CDH7: variants seen among roughly 807,000 people sequenced by gnomAD.
CDH7 encodes the protein cadherin 7, also known as cadherin-7.
Under a neutral mutation model 71.8 loss-of-function variants are expected in CDH7, and 25 were observed. The ratio of observed to expected loss-of-function variants is 0.35; its 90% CI spans 0.25 to 0.49. CDH7 has a LOEUF of 0.49. Among genes scored for constraint, CDH7 ranks in the 20% least tolerant of loss-of-function variants. CDH7 has a pLI of 0.99. For synonymous variants in CDH7, 381 were observed against 363.8 expected, an observed-to-expected ratio of 1.05 and a Z score of -0.54; for missense variants, 862 against 974.6, an observed-to-expected ratio of 0.88 and a Z score of 1.54.
chr18:65,881,172 C>G lies in CDH7; in HGVS notation c.*278C>G, dbSNP rs967966233. On this transcript the variant is annotated 3_prime_UTR_variant, in exon 12 of 12. Coordinates refer to ENST00000397968, the MANE Select transcript of CDH7 (RefSeq NM_004361.5). ...TGCTCAGTGGTTTGTGAATAGATAGCAACTCTCATATACCTGCAAAGGCAC... is the reference window on the plus strand; with the variant it reads ...TGCTCAGTGGTTTGTGAATAGATAGGAACTCTCATATACCTGCAAAGGCAC... 1 of 285,340 alleles carries G rather than the reference C, an allele frequency of 3.5e-6. No homozygotes were observed. 17.7% of individuals were successfully genotyped at this position (285,340 alleles called of 1,614,324 possible).
At chr18:65,875,838 A>G in intron 11 of CDH7, among the ~76,000 whole-genome samples, 1 of 152,032 alleles carries the variant, frequency 6.6e-6, no homozygotes, top group Non-Finnish European at 1.5e-5. Flanking sequence ...CTGAGGCAGG[A>G]ATATTGCTTG....
intron 2 of CDH7, among the ~76,000 whole-genome samples, chr18:65,804,331 G>T (rs1327132259): frequency 2.0e-5 from 3 of 152,102 alleles, no homozygotes; most frequent in Non-Finnish European, 2.9e-5. Flanking sequence ...CTAAGCTTTA[G>T]GTAGTAAAGA....
chr18:65,842,347 G>A (rs1029741221), intron 6 of CDH7, among the ~76,000 whole-genome samples: 6 of 151,764 alleles, frequency 4.0e-5, no homozygotes, highest in Non-Finnish European at 8.8e-5. Flanking sequence ...AGTCCTGTCT[G>A]GTCTAGATAT....
At chr18:65,752,100 A>G (rs1915898535) in intron 1 of CDH7, among the ~76,000 whole-genome samples, 1 of 152,260 alleles carries the variant, frequency 6.6e-6, no homozygotes. Flanking sequence ...TGCAATAAAT[A>G]TCTTGTCTCT....
intron 11 of CDH7, among the ~76,000 whole-genome samples, chr18:65,875,527 CT>C (rs1342395540): frequency 2.6e-5 from 4 of 152,146 alleles, no homozygotes; most frequent in Non-Finnish European, 5.9e-5. Context: ...TATTCCCTTC[CT>C]TTTATTTATC....
At chr18:65,860,697 A>G (rs1249128870) in intron 10 of CDH7, among the ~76,000 whole-genome samples, 2 of 152,170 alleles carry the variant, frequency 1.3e-5, no homozygotes, top group Non-Finnish European at 2.9e-5. Context: ...GGTTTTAGGA[A>G]AAAAGTACAG....
chr18:65,795,583 C>A (rs893712303), intron 2 of CDH7, among the ~76,000 whole-genome samples: 1 of 152,048 alleles, frequency 6.6e-6, no homozygotes, highest in Admixed American at 6.6e-5. Flanking sequence ...AAATGAAGAG[C>A]AAATGAACAC....
Position 65,762,175 on chromosome 18 carries a change from A to G in CDH7, c.-196-472A>G, listed in dbSNP as rs145403660. On this transcript the variant is annotated intron_variant, in intron 1 of 11. Transcript: ENST00000397968. ...CTCATACTTCTTTATTTCTCTTTAC[A>G]GTTTCACAGAAGAGATTTAAACCAG... 2.1e-3 allele frequency among the ~76,000 whole-genome samples: 322 copies of G among 152,296 alleles called. 2 individuals are homozygous for G. Among genetic ancestry groups the G allele is most frequent in the Non-Finnish European group, 3.7e-3 (250 of 68,028 alleles).
chr18:65,753,459 C>G (rs1915943592), intron 1 of CDH7, among the ~76,000 whole-genome samples: 1 of 152,170 alleles, frequency 6.6e-6, no homozygotes, highest in Non-Finnish European at 1.5e-5. Context: ...CTCTCTCTTA[C>G]ACACACACAA....
intron 11 of CDH7, among the ~76,000 whole-genome samples, chr18:65,871,532 A>T (rs9960373): frequency 0.094 from 14,292 of 152,038 alleles, 1,175 homozygotes; most frequent in African/African-American, 0.21. Context: ...GAGTAGGAAG[A>T]ATTGTTTGAG....
At chr18:65,815,903 G>A (rs759476316) in intron 4 of CDH7, among the ~76,000 whole-genome samples, 7 of 152,116 alleles carry the variant, frequency 4.6e-5, no homozygotes, top group Non-Finnish European at 8.8e-5. Flanking sequence ...ACAAGTTTCT[G>A]ACAATATGCT....
intron 8 of CDH7, 121 bp from the exon 9 acceptor site, chr18:65,858,804 C>A: frequency 1.1e-6 from 1 of 889,100 alleles, no homozygotes; most frequent in Non-Finnish European, 1.7e-6. Flanking sequence ...TTTTCTATAG[C>A]TCCTTTTAAG....
intron 3 of CDH7, among the ~76,000 whole-genome samples, chr18:65,812,208 C>T (rs2143912718): frequency 6.6e-6 from 1 of 152,114 alleles, no homozygotes; most frequent in African/African-American, 2.4e-5. Flanking sequence ...ACCTTGTGAT[C>T]TGCCCGACTC....
intron 6 of CDH7, among the ~76,000 whole-genome samples, chr18:65,829,773 G>GGTGT (rs1912270112): frequency 1.0e-5 from 1 of 98,050 alleles, no homozygotes; most frequent in Non-Finnish European, 2.1e-5. Context: ...TTCAAGGAAG[G>GGTGT]GAGTGTGTGT....
At chr18:65,831,718 C>T (rs1381762846) in intron 6 of CDH7, among the ~76,000 whole-genome samples, 1 of 151,722 alleles carries the variant, frequency 6.6e-6, no homozygotes, top group Non-Finnish European at 1.5e-5. Context: ...TTTCCATATT[C>T]TTTCCCTACC....
chr18:65,817,502 G>T (rs1911763149), intron 4 of CDH7, among the ~76,000 whole-genome samples: 1 of 152,162 alleles, frequency 6.6e-6, no homozygotes, highest in East Asian at 1.9e-4. Context: ...TCTTTTTATA[G>T]CTCTCTCATA....
Position 65,880,636 on chromosome 18 carries a change from C to A in CDH7, c.2100C>A (p.Ser700Arg). The A allele has an allele frequency of 6.2e-7, 1 of 1,613,928 alleles. No individual in the cohort carries two copies. The highest frequency in any genetic ancestry group is 8.5e-7 in the Non-Finnish European group (1 of 1,179,982). Residue 700 changes from serine (S) to arginine (R), a missense_variant, in exon 12 of 12, where the codon AGC (serine) becomes AGA (arginine). Physicochemically the swap from Ser to Arg is moderately radical, Grantham distance 110. Coordinates refer to ENST00000397968, the MANE Select transcript of CDH7 (RefSeq NM_004361.5). ...TCCTGAGTCGACCAGCTTTTAAAAG[C>A]ATCCCAGATAATGTCATCTTTAGGG... ...IQFLSRPAFK[S>R]IPDNVIFREF...
intron 11 of CDH7, among the ~76,000 whole-genome samples, chr18:65,879,235 C>T (rs1486453317): frequency 6.6e-6 from 1 of 151,878 alleles, no homozygotes; most frequent in African/African-American, 2.4e-5. Flanking sequence ...CAAAAGTGTT[C>T]CTAATGCCAA....
Position 65,888,399 on chromosome 18 carries a change from G to C in CDH7, c.*7505G>C, listed in dbSNP as rs1019881899. ...GAAGAAAATAATTTCCGCAATTCTT[G>C]GTACCTCAAAAGACCTGACACACTA... On this transcript the variant is annotated 3_prime_UTR_variant, in exon 12 of 12. Coordinates refer to ENST00000397968, the MANE Select transcript of CDH7 (RefSeq NM_004361.5). 6 of 152,096 alleles carry C rather than the reference G, an allele frequency of 3.9e-5. No individual in the cohort carries two copies. The Middle Eastern group carries it at 0.014, about 345-fold the overall frequency. The allele number at this position is 152,096 out of a possible 1,614,324, so 9.4% of individuals were successfully genotyped here.
Sources: allele counts gnomAD v4.1 joint callset (sites outside exome capture counted in the v4.1 genomes callset), GRCh38; gene constraint gnomAD v4.1.1; transcripts MANE v1.5; gene names NCBI Gene and HGNC (gene_info 2026-07-23, HGNC 2026-07-21).